Variants in TAFA2 observed in about 807,000 individuals in gnomAD.
TAFA2 encodes TAFA chemokine like family member 2, also known as chemokine-like protein TAFA-2.
TAFA2 carries 7 observed loss-of-function variants against 18.8 expected under a neutral mutation model. That is an observed-to-expected ratio of 0.37 (90% CI 0.21 to 0.70). TAFA2 has a LOEUF of 0.70. TAFA2 is among the 30% of genes least tolerant of loss of function. The probability of loss-of-function intolerance (pLI) is 0.53; values close to 1 mark genes in which losing one functional copy is unlikely to be tolerated. For synonymous variants in TAFA2, 60 were observed against 54.2 expected, an observed-to-expected ratio of 1.11 and a Z score of -0.47; for missense variants, 122 against 158.1, an observed-to-expected ratio of 0.77 and a Z score of 1.23.
chr12:62,022,237 ATG>A (rs1478656452), intron 1 of TAFA2: 1 of 259,484 alleles, frequency 3.9e-6, no homozygotes, highest in African/African-American at 2.2e-5. Flanking sequence ...AGAGCCTTAC[ATG>A]TCCTGCTAAA....
chr12:61,784,513 A>G (rs551928330), intron 2 of TAFA2, among the ~76,000 whole-genome samples: 2 of 151,636 alleles, frequency 1.3e-5, no homozygotes, highest in African/African-American at 4.8e-5. Flanking sequence ...ACTGATCCAC[A>G]GTTTGAGAAA....
intron 2 of TAFA2, among the ~76,000 whole-genome samples, chr12:61,824,837 G>T (rs940217097): frequency 6.6e-6 from 1 of 152,092 alleles, no homozygotes; most frequent in Admixed American, 6.6e-5. Context: ...TAACTTTGTC[G>T]CACTAAGTTT....
intron 2 of TAFA2, among the ~76,000 whole-genome samples, chr12:61,774,367 C>A (rs181578027): frequency 2.4e-3 from 365 of 151,856 alleles, no homozygotes; most frequent in Admixed American, 7.2e-3. Context: ...AAAAAAGATA[C>A]GTGCACATGC....
chr12:62,113,158 C>T (rs1869809646), intron 1 of TAFA2, among the ~76,000 whole-genome samples: 1 of 152,044 alleles, frequency 6.6e-6, no homozygotes, highest in African/African-American at 2.4e-5. Flanking sequence ...ATCTTCGGAT[C>T]GGGTGTTTGT....
chr12:62,057,345 T>A (rs1254938873), intron 1 of TAFA2, among the ~76,000 whole-genome samples: 1 of 152,132 alleles, frequency 6.6e-6, no homozygotes, highest in Non-Finnish European at 1.5e-5. Context: ...TGATTGCTTT[T>A]TTCTCTTCTT....
intron 1 of TAFA2, among the ~76,000 whole-genome samples, chr12:61,990,337 ATTTT>A (rs71083969): frequency 9.2e-6 from 1 of 108,228 alleles, no homozygotes; most frequent in Non-Finnish European, 1.7e-5. Context: ...CACTGTGCCA[ATTTT>A]TTTTTTTTTT....
chr12:61,962,032 A>T (rs1000889510), intron 1 of TAFA2, among the ~76,000 whole-genome samples: 1 of 151,982 alleles, frequency 6.6e-6, no homozygotes, highest in Admixed American at 6.6e-5. Flanking sequence ...CTTATAGTAA[A>T]CACTTGATTT....
intron 1 of TAFA2, among the ~76,000 whole-genome samples, chr12:62,245,350 TACC>T: frequency 6.6e-6 from 1 of 152,060 alleles, no homozygotes; most frequent in Non-Finnish European, 1.5e-5. Flanking sequence ...CCCTTACTAA[TACC>T]ACAATATTTT....
chr12:61,844,642 CT>C lies in TAFA2; in HGVS notation c.106+22677del, dbSNP rs1213964018. ...AGTAAACAGAAATAACAATTTTGTTCTGCTAAAATAGGAAGTCACTGTGCTT... is the reference window on the plus strand; with the variant it reads ...AGTAAACAGAAATAACAATTTTGTTCGCTAAAATAGGAAGTCACTGTGCTT... On this transcript the variant is annotated intron_variant, in intron 2 of 4. Transcript: ENST00000416284. 7.2e-5 allele frequency among the ~76,000 whole-genome samples: 11 copies of C among 152,192 alleles called. No homozygotes were observed. The South Asian group carries it at 1.7e-3, about 23-fold the overall frequency.
chr12:61,780,521 T>A (rs1870459430), intron 2 of TAFA2, among the ~76,000 whole-genome samples: 1 of 151,682 alleles, frequency 6.6e-6, no homozygotes, highest in South Asian at 2.1e-4. Context: ...ATATAAATCT[T>A]CTCCCAGTCT....
At position 61,774,862 on chromosome 12, in the gene TAFA2, A is replaced by G. The variant is rs550469518; in HGVS notation, c.107-19838T>C. Among the ~76,000 whole-genome samples the G allele has an allele frequency of 4.6e-5, 7 of 152,026 alleles. No homozygotes were observed. In the South Asian group the frequency reaches 1.4e-3, roughly 31 times the overall value. Reference sequence around the variant, plus strand: ...TTAAAATTGGTCTTTGAAAATAAAGACATTGTCAAGAGAATCAAATGACAA... The same window carrying G: ...TTAAAATTGGTCTTTGAAAATAAAGGCATTGTCAAGAGAATCAAATGACAA... On this transcript the variant is annotated intron_variant, in intron 2 of 4. Transcript: ENST00000416284.
At chr12:62,170,246 CATA>C (rs1592379832) in intron 1 of TAFA2, among the ~76,000 whole-genome samples, 2 of 151,910 alleles carry the variant, frequency 1.3e-5, no homozygotes, top group South Asian at 2.1e-4. Flanking sequence ...CCAGTGTTAT[CATA>C]ATAATAATAA....
chr12:61,940,641 C>T (rs571238417), intron 1 of TAFA2, among the ~76,000 whole-genome samples: 6 of 152,262 alleles, frequency 3.9e-5, no homozygotes, highest in South Asian at 2.1e-4. Context: ...AGCTGTGAAC[C>T]GCAGAGTGAT....
At chr12:61,880,448 G>T (rs1875074409) in intron 1 of TAFA2, 6 of 539,002 alleles carry the variant, frequency 1.1e-5, no homozygotes, top group Admixed American at 7.7e-5. Context: ...TGTATACCAG[G>T]AGCTGATGAA....
At chr12:61,910,062 T>C (rs988508748) in intron 1 of TAFA2, among the ~76,000 whole-genome samples, 5 of 149,954 alleles carry the variant, frequency 3.3e-5, no homozygotes, top group Non-Finnish European at 5.9e-5. Flanking sequence ...CAAAAGAGAG[T>C]AGTAAGATGG....
rs1273297146 is a variant in TAFA2 at position 62,146,450 on chromosome 12, G to A, written c.-2+44809C>T. On this transcript the variant is annotated intron_variant, in intron 1 of 4. Transcript: ENST00000416284. ...AGGCATGCCACCACAACCAGCTAAT[G>A]TTTTGTATTTTTTTGTAGAGACTGT... Among the ~76,000 whole-genome samples the A allele has an allele frequency of 2.0e-5, 3 of 151,790 alleles. No homozygotes were observed. The East Asian group carries it at 5.8e-4, about 29-fold the overall frequency.
In TAFA2 at chr12:61,832,213, T is replaced by C. The variant is rs80218030; in HGVS notation, c.106+35107A>G. Among the ~76,000 whole-genome samples the C allele has an allele frequency of 7.2e-5, 11 of 152,196 alleles. No individual in the cohort carries two copies. In the East Asian group the frequency reaches 2.1e-3, roughly 30 times the overall value. On this transcript the variant is annotated intron_variant, in intron 2 of 4. Coordinates refer to ENST00000416284, the MANE Select transcript of TAFA2 (RefSeq NM_178539.5). ...CATAAAGCCGCAGAATAGCACTGTA[T>C]GGATTTCCTAGACTAAATCAGGAAC... is the stretch of plus-strand genomic sequence containing the variant.
chr12:61,832,521 C>G (rs917117521), intron 2 of TAFA2, among the ~76,000 whole-genome samples: 1 of 152,136 alleles, frequency 6.6e-6, no homozygotes, highest in East Asian at 1.9e-4. Context: ...AACAAGCCAC[C>G]CCCACTAGGC....
chr12:62,122,655 A>G (rs1870249037), intron 1 of TAFA2, among the ~76,000 whole-genome samples: 1 of 152,208 alleles, frequency 6.6e-6, no homozygotes, highest in Non-Finnish European at 1.5e-5. Flanking sequence ...TACCCACCGT[A>G]CTGCACTGCC....
Sources: gnomAD v4.1 joint callset for allele counts (sites outside exome capture counted in the v4.1 genomes callset) on GRCh38, gnomAD v4.1.1 for gene constraint, MANE v1.5 for transcripts, NCBI Gene and HGNC (gene_info 2026-07-23, HGNC 2026-07-21) for gene names.